Variants in LRRC4C observed in about 807,000 individuals in gnomAD.
LRRC4C encodes leucine rich repeat containing 4C, also known as leucine-rich repeat-containing protein 4C.
In LRRC4C, 5 loss-of-function variants were observed where a neutral mutation model predicts 33.6. That is an observed-to-expected ratio of 0.15 (90% CI 0.08 to 0.31). The LOEUF is 0.31. Ranked by LOEUF, LRRC4C falls within the 10% of genes least tolerant of loss-of-function variation. The probability of loss-of-function intolerance (pLI) is 1.00; values close to 1 mark genes in which losing one functional copy is unlikely to be tolerated. For synonymous variants in LRRC4C, 329 were observed against 302.0 expected, an observed-to-expected ratio of 1.09 and a Z score of -0.93; for missense variants, 560 against 796.7, an observed-to-expected ratio of 0.70 and a Z score of 3.58.
intron 1 of LRRC4C, among the ~76,000 whole-genome samples, chr11:41,125,102 C>A (rs1461478709): frequency 6.6e-6 from 1 of 152,014 alleles, no homozygotes; most frequent in Non-Finnish European, 1.5e-5. Context: ...ATAGCCCCAC[C>A]CAGAATTGCT....
At chr11:41,043,211 T>C (rs1455195226) in intron 1 of LRRC4C, among the ~76,000 whole-genome samples, 2 of 151,706 alleles carry the variant, frequency 1.3e-5, no homozygotes, top group African/African-American at 2.4e-5. Flanking sequence ...AGAGGCTGAG[T>C]TGGACTCCCA....
intron 2 of LRRC4C, among the ~76,000 whole-genome samples, chr11:40,907,347 A>G (rs1956468436): frequency 6.6e-6 from 1 of 152,172 alleles, no homozygotes; most frequent in African/African-American, 2.4e-5. Context: ...TACTAAGAGG[A>G]TGCTGTCAGC....
chr11:40,686,523 A>C (rs371315679), intron 2 of LRRC4C, among the ~76,000 whole-genome samples: 1 of 151,922 alleles, frequency 6.6e-6, no homozygotes, highest in East Asian at 1.9e-4. Flanking sequence ...TATACTGTGA[A>C]ATTTTCTCAG....
chr11:40,872,136 C>T (rs981758934), intron 2 of LRRC4C, among the ~76,000 whole-genome samples: 52 of 152,034 alleles, frequency 3.4e-4, no homozygotes, highest in African/African-American at 1.1e-3. Context: ...AACTAGGCAT[C>T]GGGACATCCA....
intron 1 of LRRC4C, among the ~76,000 whole-genome samples, chr11:41,188,930 A>G (rs982930425): frequency 7.3e-6 from 1 of 137,370 alleles, no homozygotes; most frequent in South Asian, 2.7e-4. Context: ...AGTATAATTT[A>G]TGTTGGCAAT....
In LRRC4C at chr11:40,114,391, A is replaced by T. The variant is rs756445230; in HGVS notation, c.1902T>A (p.Asn634Lys). The T allele has an allele frequency of 1.9e-6, 3 of 1,612,330 alleles. No individual in the cohort carries two copies. The highest frequency in any genetic ancestry group is 2.5e-6 in the Non-Finnish European group (3 of 1,179,076). ...TGTTTTAGATTTGAGTCTCTTGTAC[A>T]TTGTCTTTAGAGTTCATTCGGATCA... ...PLLIRMNSKD[N>K]VQETQI The change falls in exon 7 of 7, where the codon AAT becomes AAA. Residue 634 changes from asparagine to lysine, a missense_variant. By Grantham distance (94) the Asn-to-Lys change is moderately conservative (BLOSUM62 0). Transcript: ENST00000528697.
chr11:40,503,993 T>C (rs1485485235), intron 3 of LRRC4C, among the ~76,000 whole-genome samples: 2 of 152,228 alleles, frequency 1.3e-5, no homozygotes, highest in Admixed American at 1.3e-4. Flanking sequence ...AAAAGAGACA[T>C]GTACAGCCCC....
chr11:40,925,403 A>G (rs1957371697), intron 2 of LRRC4C, among the ~76,000 whole-genome samples: 1 of 152,188 alleles, frequency 6.6e-6, no homozygotes, highest in South Asian at 2.1e-4. Flanking sequence ...TGCCATGGCA[A>G]CTGTCAGTGG....
At chr11:41,113,787 T>G (rs11036241) in intron 1 of LRRC4C, among the ~76,000 whole-genome samples, 9,441 of 148,554 alleles carry the variant, frequency 0.064, 384 homozygotes, top group Non-Finnish European at 0.093. Context: ...GTTTCATGAG[T>G]TTTTTTTTTA....
chr11:40,498,260 C>G (rs1049230803), intron 3 of LRRC4C, among the ~76,000 whole-genome samples: 4 of 152,082 alleles, frequency 2.6e-5, no homozygotes, highest in Non-Finnish European at 5.9e-5. Context: ...AGACCACACT[C>G]CTGGAAGTAA....
chr11:40,842,955 A>C (rs968354775), intron 2 of LRRC4C, among the ~76,000 whole-genome samples: 1 of 152,190 alleles, frequency 6.6e-6, no homozygotes. Context: ...ATAATACAGC[A>C]CTGTGAGCAC....
At chr11:40,777,512 T>G (rs67139691) in intron 2 of LRRC4C, among the ~76,000 whole-genome samples, 3,412 of 121,620 alleles carry the variant, frequency 0.028, 156 homozygotes, top group African/African-American at 0.095. Context: ...TTTTTTTTTT[T>G]TTTTTGTTTA....
At position 40,388,712 on chromosome 11, in the gene LRRC4C, C is replaced by G. The variant is rs1165561934; in HGVS notation, c.-269-68991G>C. 1.3e-5 allele frequency among the ~76,000 whole-genome samples: 2 copies of G among 152,144 alleles called. 1 individual carries two copies. Among genetic ancestry groups the G allele is most frequent in the Non-Finnish European group, 2.9e-5 (2 of 68,032 alleles). Reference sequence around the variant, plus strand: ...GCTAACTGAGCTAGATGGAAGGAATCCTGAATTGATCCTAGAAAGTTGTAC... The same window carrying G: ...GCTAACTGAGCTAGATGGAAGGAATGCTGAATTGATCCTAGAAAGTTGTAC... On this transcript the variant is annotated intron_variant, in intron 3 of 6. Coordinates refer to ENST00000528697, the MANE Select transcript of LRRC4C (RefSeq NM_001258419.2).
chr11:40,890,892 G>A (rs1227737935), intron 2 of LRRC4C, among the ~76,000 whole-genome samples: 1 of 152,084 alleles, frequency 6.6e-6, no homozygotes, highest in Admixed American at 6.6e-5. Context: ...AAGCTAAGGG[G>A]AAGAAAGGAA....
chr11:41,061,004 A>G (rs1043332129), intron 1 of LRRC4C, among the ~76,000 whole-genome samples: 3 of 151,278 alleles, frequency 2.0e-5, no homozygotes, highest in Non-Finnish European at 4.4e-5. Context: ...CCCTCCACAC[A>G]GGTGCATTTC....
At chr11:40,414,636 T>G (rs1338194968) in intron 3 of LRRC4C, among the ~76,000 whole-genome samples, 1 of 152,132 alleles carries the variant, frequency 6.6e-6, no homozygotes, top group African/African-American at 2.4e-5. Flanking sequence ...TGAACTGTTC[T>G]TTTTCTTTGT....
intron 4 of LRRC4C, among the ~76,000 whole-genome samples, chr11:40,302,538 T>A (rs2136675527): frequency 6.6e-6 from 1 of 152,310 alleles, no homozygotes; most frequent in African/African-American, 2.4e-5. Flanking sequence ...TTCTGTCTTT[T>A]TTTTTATTCC....
chr11:40,299,449 A>T (rs562659634), intron 4 of LRRC4C, among the ~76,000 whole-genome samples: 1 of 152,354 alleles, frequency 6.6e-6, no homozygotes, highest in Non-Finnish European at 1.5e-5. Flanking sequence ...GTGAAAAAGG[A>T]AAGTAGATGA....
intron 2 of LRRC4C, among the ~76,000 whole-genome samples, chr11:40,919,058 T>C (rs1258853151): frequency 2.0e-5 from 3 of 152,182 alleles, no homozygotes; most frequent in Non-Finnish European, 4.4e-5. Flanking sequence ...TTCTGAATCC[T>C]AGTATTCTAA....
Sources: gnomAD v4.1 joint callset for allele counts (sites outside exome capture counted in the v4.1 genomes callset) on GRCh38, gnomAD v4.1.1 for gene constraint, MANE v1.5 for transcripts, NCBI Gene and HGNC (gene_info 2026-07-23, HGNC 2026-07-21) for gene names.